Variants in RSU1 observed in about 807,000 individuals in gnomAD.
RSU1 encodes the protein Ras suppressor protein 1, also known as rsu-1.
Under a neutral mutation model 31.1 loss-of-function variants are expected in RSU1, and 26 were observed. That is an observed-to-expected ratio of 0.84 (90% CI 0.61 to 1.16). RSU1 has a LOEUF of 1.16. RSU1 is among the 50% of genes most tolerant of loss of function. The pLI, the probability that RSU1 is intolerant of heterozygous loss-of-function variation, is 0.00. For missense variants in RSU1, 320 were observed against 339.1 expected, an observed-to-expected ratio of 0.94 and a Z score of 0.44; for synonymous variants, 164 against 136.3, an observed-to-expected ratio of 1.20 and a Z score of -1.41.
intron 2 of RSU1, among the ~76,000 whole-genome samples, chr10:16,808,026 A>G (rs1285018762): frequency 6.7e-6 from 1 of 150,096 alleles, no homozygotes; most frequent in Non-Finnish European, 1.5e-5. Flanking sequence ...CTGTCTCAAA[A>G]AAAAAAAAAA....
chr10:16,673,465 GA>G (rs1564311234), intron 8 of RSU1, among the ~76,000 whole-genome samples: 2 of 149,526 alleles, frequency 1.3e-5, no homozygotes, highest in African/African-American at 2.6e-5. Flanking sequence ...TTAACAATGG[GA>G]ATTTGACTGG....
At chr10:16,773,363 A>G (rs1292648763) in intron 3 of RSU1, among the ~76,000 whole-genome samples, 2 of 152,178 alleles carry the variant, frequency 1.3e-5, no homozygotes, top group Non-Finnish European at 2.9e-5. Flanking sequence ...AAAATCCACC[A>G]AATCCACATG....
chr10:16,642,312 G>A (rs1380488725), intron 8 of RSU1, among the ~76,000 whole-genome samples: 4 of 152,170 alleles, frequency 2.6e-5, no homozygotes, highest in African/African-American at 9.7e-5. Context: ...CAGAGAAGCT[G>A]TAGAAAAACA....
intron 4 of RSU1, among the ~76,000 whole-genome samples, chr10:16,755,635 T>C (rs1837070022): frequency 6.6e-6 from 1 of 152,200 alleles, no homozygotes; most frequent in African/African-American, 2.4e-5. Flanking sequence ...CTCTTAGCAA[T>C]TTTCAATTAT....
intron 7 of RSU1, among the ~76,000 whole-genome samples, chr10:16,702,591 T>G (rs1374842642): frequency 6.6e-6 from 1 of 152,250 alleles, no homozygotes; most frequent in Non-Finnish European, 1.5e-5. Flanking sequence ...TGAACTTCCA[T>G]GGGAGCTGTA....
intron 8 of RSU1, among the ~76,000 whole-genome samples, chr10:16,610,556 C>T (rs1038139261): frequency 6.6e-6 from 1 of 152,172 alleles, no homozygotes; most frequent in Non-Finnish European, 1.5e-5. Flanking sequence ...ATCTAGGTTG[C>T]ACGCTCCTTA....
At chr10:16,691,874 G>A (rs539550281) in intron 8 of RSU1, among the ~76,000 whole-genome samples, 49 of 152,040 alleles carry the variant, frequency 3.2e-4, no homozygotes, top group Admixed American at 7.2e-4. Flanking sequence ...AAGTAGCTGG[G>A]ATTACAGGCA....
At chr10:16,788,729 G>C (rs985147759) in intron 2 of RSU1, among the ~76,000 whole-genome samples, 2 of 152,212 alleles carry the variant, frequency 1.3e-5, no homozygotes, top group African/African-American at 4.8e-5. Context: ...CAGGAAAAAG[G>C]AAAGGATAAA....
chr10:16,788,788 C>T (rs1183515756), intron 2 of RSU1, among the ~76,000 whole-genome samples: 2 of 152,190 alleles, frequency 1.3e-5, no homozygotes. Context: ...CAAGGTATTT[C>T]CACTTACAAG....
At chr10:16,735,529 T>C (rs1024128219) in intron 7 of RSU1, among the ~76,000 whole-genome samples, 7 of 152,220 alleles carry the variant, frequency 4.6e-5, no homozygotes, top group African/African-American at 1.7e-4. Context: ...CTTCTAGATA[T>C]TGGGCAATGT....
intron 8 of RSU1, among the ~76,000 whole-genome samples, chr10:16,594,248 A>C (rs904540225): frequency 1.3e-5 from 2 of 152,214 alleles, no homozygotes; most frequent in Admixed American, 6.5e-5. Flanking sequence ...CCTCTGCAGC[A>C]AGGGCATACC....
chr10:16,762,319 A>G (rs1398519702), intron 4 of RSU1, among the ~76,000 whole-genome samples: 1 of 151,170 alleles, frequency 6.6e-6, no homozygotes, highest in Non-Finnish European at 1.5e-5. Flanking sequence ...TAAAATAGAT[A>G]TAATGTGTAC....
Position 16,682,577 on chromosome 10 carries a change from T to C in RSU1, c.731+12446A>G, listed in dbSNP as rs1006292161. ...ACACACACACACACACACACATGCA[T>C]GCATGTTACCTAGGGTGGACATGCG... On this transcript the variant is annotated intron_variant, in intron 8 of 8. Transcript: ENST00000345264. Among the ~76,000 whole-genome samples, 171 of 35,456 alleles carry C rather than the reference T, an allele frequency of 4.8e-3. 3 individuals carry two copies. Among genetic ancestry groups the C allele is most frequent in the African/African-American group, 0.014 (119 of 8,226 alleles). The allele number at this position is 35,456 out of a possible 152,430, so 23.3% of individuals were successfully genotyped here. A position where few individuals can be genotyped will look rare whatever the true frequency, so the allele number is the denominator to read the frequency against.
intron 7 of RSU1, among the ~76,000 whole-genome samples, chr10:16,706,485 A>C (rs1835905952): frequency 6.6e-6 from 1 of 152,148 alleles, no homozygotes; most frequent in South Asian, 2.1e-4. Flanking sequence ...TTAGTTCTCT[A>C]TATACTCTAA....
intron 3 of RSU1, among the ~76,000 whole-genome samples, chr10:16,765,347 T>C (rs1372297410): frequency 1.3e-5 from 2 of 151,972 alleles, no homozygotes; most frequent in Admixed American, 6.6e-5. Context: ...CACACACACA[T>C]ACATACATAT....
At chr10:16,684,142 T>C (rs560035060) in intron 8 of RSU1, among the ~76,000 whole-genome samples, 2 of 152,354 alleles carry the variant, frequency 1.3e-5, no homozygotes, top group East Asian at 3.9e-4. Context: ...CTAGCTATGC[T>C]AGCAGAGATT....
chr10:16,677,778 A>G (rs1835260503), intron 8 of RSU1, among the ~76,000 whole-genome samples: 1 of 152,224 alleles, frequency 6.6e-6, no homozygotes, highest in African/African-American at 2.4e-5. Flanking sequence ...AAAAACTTTT[A>G]TTGACAACAT....
At chr10:16,649,303 A>G (rs1834636600) in intron 8 of RSU1, among the ~76,000 whole-genome samples, 1 of 152,218 alleles carries the variant, frequency 6.6e-6, no homozygotes, top group African/African-American at 2.4e-5. Context: ...AGAGATATGC[A>G]TCTTATTTCA....
At chr10:16,655,708 C>T (rs1291714196) in intron 8 of RSU1, among the ~76,000 whole-genome samples, 1 of 152,146 alleles carries the variant, frequency 6.6e-6, no homozygotes, top group Non-Finnish European at 1.5e-5. Context: ...GTCAAGCAAG[C>T]TTTTGGGTGC....
Sources: gnomAD v4.1 joint callset for allele counts (sites outside exome capture counted in the v4.1 genomes callset) on GRCh38, gnomAD v4.1.1 for gene constraint, MANE v1.5 for transcripts, NCBI Gene and HGNC (gene_info 2026-07-23, HGNC 2026-07-21) for gene names.